The following UNC93A variants were observed in gnomAD, a reference collection of about 807,000 sequenced individuals.
UNC93A encodes the protein N-acetylglucosamine transporter UNC93A.
UNC93A carries 43 observed loss-of-function variants against 47.5 expected under a neutral mutation model. That is an observed-to-expected ratio of 0.91 (90% CI 0.71 to 1.17). The LOEUF (loss-of-function observed/expected upper bound fraction) is 1.17, where lower values mean the gene tolerates loss of function less well. UNC93A is among the 50% of genes most tolerant of loss of function. The pLI, the probability that UNC93A is intolerant of heterozygous loss-of-function variation, is 0.00. For synonymous variants in UNC93A, 280 were observed against 258.0 expected (o/e 1.09, Z -0.82); for missense variants, 605 against 577.6 (o/e 1.05, Z -0.49).
chr6:167,287,061 G>A (rs1253657564), upstream of UNC93A, among the ~76,000 whole-genome samples: 1 of 151,676 alleles, frequency 6.6e-6, no homozygotes, highest in Non-Finnish European at 1.5e-5. Context: ...CATGTAAGTG[G>A]TTGGCTCTCG....
intron 3 of UNC93A, among the ~76,000 whole-genome samples, 153 bp downstream of exon 3, chr6:167,296,414 T>A (rs1778090529): frequency 6.6e-6 from 1 of 152,222 alleles, no homozygotes; most frequent in African/African-American, 2.4e-5. Flanking sequence ...AACCTGCCTG[T>A]GCTTCAGAGT....
intron 4 of UNC93A, among the ~76,000 whole-genome samples, chr6:167,302,516 G>T (rs945604063): frequency 6.6e-6 from 1 of 152,122 alleles, no homozygotes. Context: ...CAGTGGAGAT[G>T]CAATGGTATC....
intron 5 of UNC93A, 116 bp downstream of exon 5, chr6:167,304,249 G>T (rs1446064636): frequency 8.7e-7 from 1 of 1,148,802 alleles, no homozygotes; most frequent in Admixed American, 1.8e-5. Flanking sequence ...GGCTGGGGCT[G>T]GAGGGAGCGG....
At chr6:167,275,353 G>GTT (rs1783521956) in intron 1 of UNC93A, among the ~76,000 whole-genome samples, 1 of 152,212 alleles carries the variant, frequency 6.6e-6, no homozygotes, top group African/African-American at 2.4e-5. Flanking sequence ...CTTTCTATCT[G>GTT]TTGGAATACA....
intron 1 of UNC93A, among the ~76,000 whole-genome samples, chr6:167,284,811 G>A (rs1401362917): frequency 1.3e-5 from 2 of 150,724 alleles, no homozygotes; most frequent in East Asian, 3.9e-4. Context: ...CGCCACAGGT[G>A]GGTGCGTTGC....
chr6:167,280,116 T>C (rs1319046139), intron 1 of UNC93A, among the ~76,000 whole-genome samples: 3 of 152,154 alleles, frequency 2.0e-5, no homozygotes, highest in Non-Finnish European at 4.4e-5. Context: ...TAGTTTGAGA[T>C]TTCAAAACCC....
upstream of UNC93A, among the ~76,000 whole-genome samples, chr6:167,286,664 G>C (rs1783739189): frequency 6.6e-6 from 1 of 152,062 alleles, no homozygotes; most frequent in Non-Finnish European, 1.5e-5. Context: ...AAAAATAATT[G>C]ATAGAAAAAA....
intron 1 of UNC93A, among the ~76,000 whole-genome samples, chr6:167,279,805 A>T (rs996409830): frequency 1.3e-5 from 2 of 152,252 alleles, no homozygotes; most frequent in African/African-American, 4.8e-5. Context: ...AATGAAAAAG[A>T]TGCCAGACCC....
intron 7 of UNC93A, among the ~76,000 whole-genome samples, chr6:167,312,194 C>G (rs1778577325): frequency 1.3e-5 from 2 of 151,736 alleles, no homozygotes; most frequent in African/African-American, 4.8e-5. Flanking sequence ...TTGCGGAGGA[C>G]AGCTCCCTGG....
At chr6:167,291,712 T>A in intron 1 of UNC93A, 136 bp downstream of exon 1, 1 of 793,738 alleles carries the variant, frequency 1.3e-6, no homozygotes, top group East Asian at 2.7e-5. Context: ...CCAAATCCTC[T>A]AAAACAAACA....
chr6:167,270,482 G>A (rs1390689597), upstream of UNC93A, among the ~76,000 whole-genome samples: 1 of 152,130 alleles, frequency 6.6e-6, no homozygotes, highest in Non-Finnish European at 1.5e-5. Context: ...AAGGACATGG[G>A]GGGTTAGGGG....
chr6:167,286,350 G>A (rs950751390), upstream of UNC93A, among the ~76,000 whole-genome samples: 5 of 152,060 alleles, frequency 3.3e-5, no homozygotes, highest in Non-Finnish European at 5.9e-5. Flanking sequence ...GGGAAGAAGC[G>A]GCACAGTGGC....
chr6:167,294,143 G>T (rs968826540), intron 1 of UNC93A, among the ~76,000 whole-genome samples: 1 of 152,098 alleles, frequency 6.6e-6, no homozygotes, highest in Non-Finnish European at 1.5e-5. Context: ...CTGGGAGCAC[G>T]CAGGCTCCTC....
chr6:167,315,090 T>A, intron 7 of UNC93A, 97 bp from the exon 8 acceptor site: 1 of 1,517,436 alleles, frequency 6.6e-7, no homozygotes, highest in Non-Finnish European at 8.9e-7. Flanking sequence ...CTTGATTTAG[T>A]TGAGAAAATG....
intron 5 of UNC93A, 38 bp downstream of exon 5, chr6:167,304,171 C>A: frequency 6.2e-7 from 1 of 1,607,642 alleles, no homozygotes. Flanking sequence ...TCAGGCCATG[C>A]GTGGCATCAC....
chr6:167,307,595 GTTGAGATGGTTCCAGAGGACAA>G (rs1778436304), intron 6 of UNC93A, among the ~76,000 whole-genome samples, 162 bp from the exon 7 acceptor site: 1 of 152,106 alleles, frequency 6.6e-6, no homozygotes, highest in Non-Finnish European at 1.5e-5. Context: ...AGTTGAGATG[GTTGAGATGGTTCCAGAGGACAA>G]TTCCAGAGGA....
chr6:167,306,404 G>A (rs1454637826), intron 6 of UNC93A, among the ~76,000 whole-genome samples: 7 of 152,184 alleles, frequency 4.6e-5, no homozygotes, highest in South Asian at 2.1e-4. Context: ...TGGGGTTCAC[G>A]GAAAGACACG....
At chr6:167,281,611 C>T (rs766213738) in intron 1 of UNC93A, among the ~76,000 whole-genome samples, 6 of 152,122 alleles carry the variant, frequency 3.9e-5, no homozygotes, top group East Asian at 1.9e-4. Context: ...CTTTTTACAA[C>T]GTAGCCTGTG....
chr6:167,273,294 CA>C (rs34412588), intron 1 of UNC93A, among the ~76,000 whole-genome samples: 52,450 of 151,898 alleles, frequency 0.35, 9,269 homozygotes, highest in South Asian at 0.42. Context: ...CTCAGGCCCC[CA>C]ACTCCTAACT....
Sources: gnomAD v4.1 joint callset for allele counts (sites outside exome capture counted in the v4.1 genomes callset) on GRCh38, gnomAD v4.1.1 for gene constraint, MANE v1.5 for transcripts, NCBI Gene and HGNC (gene_info 2026-07-23, HGNC 2026-07-21) for gene names.